Variants in TMEM132B observed in about 807,000 individuals in gnomAD.
TMEM132B encodes transmembrane protein 132B.
In TMEM132B, 18 loss-of-function variants were observed where a neutral mutation model predicts 90.8. The observed-to-expected ratio is 0.20, with a 90% CI of 0.14 to 0.29. The LOEUF is 0.29. Among genes scored for constraint, TMEM132B ranks in the 10% least tolerant of loss-of-function variants. The pLI is 1.00. For synonymous variants in TMEM132B, 504 were observed against 523.3 expected, an observed-to-expected ratio of 0.96 and a Z score of 0.50; for missense variants, 1,096 against 1,326.8, an observed-to-expected ratio of 0.83 and a Z score of 2.70.
At chr12:125,295,515 T>TGAGAGAGAGAGA (rs1555237218) in intron 1 of TMEM132B, among the ~76,000 whole-genome samples, 35 of 142,426 alleles carry the variant, frequency 2.5e-4, no homozygotes, top group South Asian at 2.1e-3. Flanking sequence ...TGTGTGTGTG[T>TGAGAGAGAGAGA]GAGAGAGAGA....
At chr12:125,531,436 A>C (rs1292515113) in intron 4 of TMEM132B, among the ~76,000 whole-genome samples, 1 of 152,146 alleles carries the variant, frequency 6.6e-6, no homozygotes, top group Non-Finnish European at 1.5e-5. Context: ...TGATTCTCAC[A>C]CTTTGGCCTT....
chr12:125,271,988 A>C (rs1163256853), intron 1 of TMEM132B, among the ~76,000 whole-genome samples: 1 of 152,236 alleles, frequency 6.6e-6, no homozygotes, highest in African/African-American at 2.4e-5. Flanking sequence ...CAATGAAAAC[A>C]AAGCAATGAC....
Position 125,440,248 on chromosome 12 carries a change from A to G in TMEM132B, c.1106+24571A>G, listed in dbSNP as rs186144812. On this transcript the variant is annotated intron_variant, in intron 3 of 8. Coordinates refer to ENST00000682704, the MANE Select transcript of TMEM132B (RefSeq NM_001366854.1). Reference sequence around the variant, plus strand: ...ATTGGCATTCTTCTGGCTTGATTTCATGGATATGCTCTTGGTGTTTTGTCA... The same window carrying G: ...ATTGGCATTCTTCTGGCTTGATTTCGTGGATATGCTCTTGGTGTTTTGTCA... Among the ~76,000 whole-genome samples, 4 of 152,300 alleles carry G rather than the reference A, an allele frequency of 2.6e-5. No individual in the cohort carries two copies. In the East Asian group the frequency reaches 7.7e-4, roughly 29 times the overall value.
intron 5 of TMEM132B, among the ~76,000 whole-genome samples, chr12:125,621,528 G>A (rs960366339): frequency 2.0e-5 from 3 of 152,158 alleles, no homozygotes; most frequent in African/African-American, 7.2e-5. Context: ...ATGGATCTCA[G>A]TGGCAGATAT....
At chr12:125,449,605 T>C (rs948612288) in intron 3 of TMEM132B, among the ~76,000 whole-genome samples, 1 of 152,194 alleles carries the variant, frequency 6.6e-6, no homozygotes, top group African/African-American at 2.4e-5. Flanking sequence ...GGTTTTCTCC[T>C]TTCTGTTTAA....
At chr12:125,306,866 A>G (rs1244700761) in intron 1 of TMEM132B, among the ~76,000 whole-genome samples, 1 of 152,196 alleles carries the variant, frequency 6.6e-6, no homozygotes, top group Non-Finnish European at 1.5e-5. Flanking sequence ...TGCTCTAAAT[A>G]ATTGGTCATT....
chr12:125,411,674 G>A (rs1033291881), intron 2 of TMEM132B, among the ~76,000 whole-genome samples: 2 of 152,104 alleles, frequency 1.3e-5, no homozygotes, highest in African/African-American at 4.8e-5. Context: ...GGAAGGTAAA[G>A]GGTTGGTTGC....
chr12:125,397,821 G>A (rs1039962965), intron 2 of TMEM132B, among the ~76,000 whole-genome samples: 3 of 152,224 alleles, frequency 2.0e-5, no homozygotes, highest in Admixed American at 2.0e-4. Context: ...GCTATGAAAA[G>A]AAGTGAAGTG....
intron 4 of TMEM132B, among the ~76,000 whole-genome samples, chr12:125,528,869 C>T (rs1222417890): frequency 6.6e-6 from 1 of 152,144 alleles, no homozygotes; most frequent in Non-Finnish European, 1.5e-5. Context: ...AACAATTTTT[C>T]CATGGACCAG....
chr12:125,378,663 A>G (rs992044885), intron 2 of TMEM132B, among the ~76,000 whole-genome samples: 2 of 152,216 alleles, frequency 1.3e-5, no homozygotes, highest in African/African-American at 2.4e-5. Context: ...ACCCAGAGCT[A>G]CCTACTTGCA....
At chr12:125,431,976 A>T (rs1410399181) in intron 3 of TMEM132B, among the ~76,000 whole-genome samples, 1 of 152,058 alleles carries the variant, frequency 6.6e-6, no homozygotes, top group Admixed American at 6.5e-5. Flanking sequence ...CGCTTTTGCC[A>T]TGTGTGAAAT....
chr12:125,186,983 C>A lies in TMEM132B; in HGVS notation c.67+117C>A, dbSNP rs371876982. On this transcript the variant is annotated intron_variant, in intron 1 of 8. Coordinates refer to ENST00000682704, the MANE Select transcript of TMEM132B (RefSeq NM_001366854.1). The surrounding 1 kb of genome is among the most constrained non-coding windows in gnomAD (Gnocchi z 6.3). ...CGCGCATCTCCCGGACTTGGACAGACCTGGGGAGACCCTGGGAACCCAGGA... is the reference window on the plus strand; with the variant it reads ...CGCGCATCTCCCGGACTTGGACAGAACTGGGGAGACCCTGGGAACCCAGGA... The A allele has an allele frequency of 3.3e-4, 50 of 152,402 alleles. 1 individual carries two copies. Among genetic ancestry groups the A allele is most frequent in the African/African-American group, 1.1e-3 (45 of 41,568 alleles). 9.4% of individuals were successfully genotyped at this position (152,402 alleles called of 1,614,324 possible). A position where few individuals can be genotyped will look rare whatever the true frequency, so the allele number is the denominator to read the frequency against.
intron 2 of TMEM132B, among the ~76,000 whole-genome samples, chr12:125,391,039 T>TTGTG (rs776555734): frequency 1.1e-4 from 16 of 143,640 alleles, no homozygotes; most frequent in African/African-American, 2.8e-4. Context: ...TACTAAAGAA[T>TTGTG]AGTGTGTGTG....
chr12:125,298,724 CTTTTTTCTT>C (rs1210643754), intron 1 of TMEM132B, among the ~76,000 whole-genome samples: 19 of 143,352 alleles, frequency 1.3e-4, no homozygotes, highest in African/African-American at 3.3e-4. Context: ...ACTTATTTTT[CTTTTTTCTT>C]TTTTTTCTTT....
chr12:125,225,386 T>C (rs1273965592), intron 1 of TMEM132B, among the ~76,000 whole-genome samples: 1 of 152,224 alleles, frequency 6.6e-6, no homozygotes, highest in Non-Finnish European at 1.5e-5. Flanking sequence ...AAGTCAAGGA[T>C]AAGGGCTTTC....
chr12:125,493,052 C>T (rs997154853), intron 3 of TMEM132B, among the ~76,000 whole-genome samples: 1 of 152,110 alleles, frequency 6.6e-6, no homozygotes, highest in Non-Finnish European at 1.5e-5. Flanking sequence ...TCACCTGCGA[C>T]CTGGAAACCT....
At chr12:125,494,482 C>G (rs1318212426) in intron 3 of TMEM132B, among the ~76,000 whole-genome samples, 10 of 140,990 alleles carry the variant, frequency 7.1e-5, no homozygotes, top group Non-Finnish European at 1.1e-4. Context: ...CGTCCCTCCT[C>G]CCCCTCTTCC....
intron 4 of TMEM132B, among the ~76,000 whole-genome samples, chr12:125,525,928 G>A (rs1883443101): frequency 6.6e-6 from 1 of 152,192 alleles, no homozygotes; most frequent in Non-Finnish European, 1.5e-5. Context: ...GGGGGAAGTT[G>A]CCTAGTTGGG....
rs972174846 is a variant in TMEM132B, at chr12:125,289,964, A to G, written c.68-59488A>G. Among the ~76,000 whole-genome samples, 6 of 152,320 alleles carry G rather than the reference A, an allele frequency of 3.9e-5. No individual in the cohort carries two copies. In the South Asian group the frequency reaches 1.0e-3, roughly 26 times the overall value. ...TGCTGACATATCTGGGCGCTCTTCAATCCCCCAATTATAATCCATCATGCT... is the reference window on the plus strand; with the variant it reads ...TGCTGACATATCTGGGCGCTCTTCAGTCCCCCAATTATAATCCATCATGCT... On this transcript the variant is annotated intron_variant, in intron 1 of 8. Transcript: ENST00000682704.
Sources: gnomAD v4.1 joint callset for allele counts (sites outside exome capture counted in the v4.1 genomes callset) on GRCh38, gnomAD v4.1.1 for gene constraint, Gnocchi (gnomAD v3.1) non-coding constraint, MANE v1.5 for transcripts, NCBI Gene and HGNC (gene_info 2026-07-23, HGNC 2026-07-21) for gene names.